Variants in ADAM11 observed in about 807,000 individuals in gnomAD.
ADAM11 encodes the protein ADAM metallopeptidase domain 11.
In ADAM11, 49 loss-of-function variants were observed where a neutral mutation model predicts 119.1. The observed-to-expected ratio is 0.41, with a 90% CI of 0.33 to 0.52. ADAM11 has a LOEUF of 0.52. ADAM11 is among the 20% of genes least tolerant of loss of function. The pLI, the probability that ADAM11 is intolerant of heterozygous loss-of-function variation, is 0.20. For synonymous variants in ADAM11, 364 were observed against 408.0 expected (o/e 0.89, Z 1.30); for missense variants, 777 against 1,047.5 (o/e 0.74, Z 3.56).
chr17:44,774,970 G>C lies in ADAM11; in HGVS notation c.1220+221G>C, dbSNP rs368588113. Among the ~76,000 whole-genome samples, 23 of 152,364 alleles carry C rather than the reference G, an allele frequency of 1.5e-4. No homozygotes were observed. In the South Asian group the frequency reaches 4.6e-3, roughly 30 times the overall value. On this transcript the variant is annotated intron_variant, in intron 14 of 26. Transcript: ENST00000200557. ...GCTGCAGTGCGCATCGTGGCCACTGGGCGCCGCCCAAGCCTCGCATGGAGA... is the reference window on the plus strand; with the variant it reads ...GCTGCAGTGCGCATCGTGGCCACTGCGCGCCGCCCAAGCCTCGCATGGAGA...
intron 2 of ADAM11, among the ~76,000 whole-genome samples, chr17:44,764,054 A>G (rs1450883950): frequency 6.6e-6 from 1 of 152,020 alleles, no homozygotes; most frequent in Non-Finnish European, 1.5e-5. Context: ...AAGCTGCTGT[A>G]TGGGTTATGC....
chr17:44,779,538 C>T (rs1356313483), intron 26 of ADAM11: 2 of 985,228 alleles, frequency 2.0e-6, no homozygotes, highest in Non-Finnish European at 2.4e-6. Flanking sequence ...AGTCCCCATC[C>T]CCGGGAGGGC....
chr17:44,774,779 G>C (rs2049576198), intron 14 of ADAM11, 30 bp downstream of exon 14: 1 of 1,587,750 alleles, frequency 6.3e-7, no homozygotes, highest in African/African-American at 1.4e-5. Context: ...CCGGGGGAAG[G>C]TCTTGGGCGA....
Position 44,777,672 on chromosome 17 carries a change from GGC to G in ADAM11, c.1902-22_1902-21del, listed in dbSNP as rs776845565. 2.4e-5 allele frequency: 38 copies of G among 1,613,260 alleles called. No individual in the cohort carries two copies. The highest frequency in any genetic ancestry group is 3.2e-5 in the Non-Finnish European group (38 of 1,179,518). On this transcript the variant is annotated intron_variant, in intron 22 of 26. Transcript: ENST00000200557. This position sits in a 1 kb window ranked among gnomAD's most constrained non-coding sequence, Gnocchi z 5.1. ...TGGGGGTTAGGAGACAGGGGGCTGA[GGC>G]TGGCTGTGTCACTTCCCCAGGGGAG...
At position 44,771,762 on chromosome 17, in the gene ADAM11, C is replaced by G. The variant is rs1384700503; in HGVS notation, c.474C>G (p.Val158=). The change falls in exon 6 of 27, where the codon GTC becomes GTG. Residue 158 remains valine (V), a synonymous_variant. Coordinates refer to ENST00000200557, the MANE Select transcript of ADAM11 (RefSeq NM_002390.6). ...ALSTCQGLHG[V]FSDGNLTYIV... is the part of the protein sequence containing the mutation. The stretch of plus-strand genomic sequence containing the variant: ...TGCGCCTCTCTCTCCACAGTGGGGT[C>G]TTCTCTGATGGGAACTTGACTTACA... The G allele has an allele frequency of 6.2e-7, 1 of 1,613,798 alleles. No individual in the cohort carries two copies. The highest frequency in any genetic ancestry group is 1.3e-5 in the African/African-American group (1 of 74,918).
chr17:44,769,720 T>C lies in ADAM11; in HGVS notation c.240T>C (p.Pro80=), dbSNP rs1419569158. Residue 80 remains proline (P), a splice_region_variant and synonymous_variant, in exon 3 of 27, where the codon CCT becomes CCC. Transcript: ENST00000200557. The part of the protein sequence containing the change: ...RVRQEPPGGP[P]VHLAQVSFVI... ...CCCTCTGCCCTCCCCCCACCCAGCCTGTCCATCTGGCCCAGGTGAGTTTCG... is the reference window on the plus strand; with the variant it reads ...CCCTCTGCCCTCCCCCCACCCAGCCCGTCCATCTGGCCCAGGTGAGTTTCG... 1.3e-6 allele frequency: 2 copies of C among 1,544,302 alleles called. No homozygotes were observed. Among genetic ancestry groups the C allele is most frequent in the Non-Finnish European group, 1.8e-6 (2 of 1,116,462 alleles).
chr17:44,775,242 T>C lies in ADAM11; in HGVS notation c.1251T>C (p.Cys417=), dbSNP rs1558084. The change falls in exon 15 of 27, where the codon TGT becomes TGC. Residue 417 remains cysteine, a synonymous_variant. Coordinates refer to ENST00000200557, the MANE Select transcript of ADAM11 (RefSeq NM_002390.6). This position sits in a 1 kb window ranked among gnomAD's most constrained non-coding sequence, Gnocchi z 7.5. The part of the protein sequence containing the change: ...GFYLPRKFSR[C]SIDEYNQFLQ... The stretch of plus-strand genomic sequence containing the variant: ...ACCTGCCCCGCAAGTTCTCGCGCTG[T>C]AGCATCGACGAGTACAACCAGTTTC... 1,437,080 of 1,613,446 alleles carry C rather than the reference T, an allele frequency of 0.89. 640,349 individuals carry two copies. The highest frequency in any genetic ancestry group is 0.93 in the Middle Eastern group (5,617 of 6,062).
intron 4 of ADAM11, among the ~76,000 whole-genome samples, chr17:44,770,633 C>T (rs2049512249): frequency 6.6e-6 from 1 of 152,152 alleles, no homozygotes; most frequent in Non-Finnish European, 1.5e-5. Flanking sequence ...CCCATCACTC[C>T]TCAGCCAACC....
intron 2 of ADAM11, among the ~76,000 whole-genome samples, chr17:44,761,503 G>A (rs2049389056): frequency 1.3e-5 from 2 of 152,106 alleles, no homozygotes; most frequent in African/African-American, 4.8e-5. Context: ...CTGCAGGTGA[G>A]TGAGTGCATG....
intron 4 of ADAM11, 130 bp from the exon 5 acceptor site, chr17:44,771,454 G>A (rs1051583542): frequency 2.1e-6 from 2 of 931,630 alleles, no homozygotes; most frequent in Non-Finnish European, 3.3e-6. Flanking sequence ...AGGCTCCAGA[G>A]CCCCAGGCAT....
chr17:44,777,797 AGCTT>A lies in ADAM11; in HGVS notation c.2005_2008del (p.Ala669LeufsTer242). 6.2e-7 allele frequency: 1 copy of A among 1,613,960 alleles called. No individual in the cohort carries two copies. The highest frequency in any genetic ancestry group is 1.1e-5 in the South Asian group (1 of 91,082). ...TGTGCCTGGACCATCGCTGCCTGCC[AGCTT>A]CTGCCTTCAACTTCAGCACCTGCCC... is the stretch of plus-strand genomic sequence containing the variant. On this transcript the variant is annotated frameshift_variant, in exon 23 of 27. Transcript: ENST00000200557. LOFTEE classifies it high-confidence loss of function. The surrounding 1 kb of genome is among the most constrained non-coding windows in gnomAD (Gnocchi z 5.1).
intron 25 of ADAM11, 119 bp from the exon 26 acceptor site, chr17:44,779,103 G>T: frequency 7.4e-7 from 1 of 1,357,400 alleles, no homozygotes; most frequent in East Asian, 2.7e-5. Flanking sequence ...CCAGGCCCCG[G>T]GGACCCCGGC....
intron 2 of ADAM11, among the ~76,000 whole-genome samples, chr17:44,766,605 C>T (rs997353853): frequency 6.6e-6 from 1 of 152,182 alleles, no homozygotes; most frequent in African/African-American, 2.4e-5. Context: ...CCCACACCTC[C>T]CCAGCCACCC....
intron 4 of ADAM11, among the ~76,000 whole-genome samples, chr17:44,770,896 C>T (rs1157337196): frequency 4.6e-5 from 7 of 152,216 alleles, no homozygotes; most frequent in Non-Finnish European, 7.4e-5. Flanking sequence ...GGGCGGATCA[C>T]GTGAGGTCAG....
intron 25 of ADAM11, 82 bp downstream of exon 25, chr17:44,778,324 C>T: frequency 1.4e-6 from 2 of 1,380,186 alleles, no homozygotes; most frequent in Non-Finnish European, 9.8e-7. Context: ...AGGGGGCCCT[C>T]CCTGAAAGCC....
rs1403258367 is a variant in ADAM11, at chr17:44,773,231, C to T, written c.826-30C>T. ...CAGCCCTGGCCCCAACACCCACTCC[C>T]ACCCTCCAGCCCCCTCATCTTCTCC... On this transcript the variant is annotated intron_variant, in intron 10 of 26. Transcript: ENST00000200557. This position sits in a 1 kb window ranked among gnomAD's most constrained non-coding sequence, Gnocchi z 4.6. The T allele has an allele frequency of 3.7e-6, 6 of 1,610,736 alleles. No individual in the cohort carries two copies. Among genetic ancestry groups the T allele is most frequent in the Admixed American group, 1.7e-5 (1 of 59,952 alleles).
intron 2 of ADAM11, among the ~76,000 whole-genome samples, chr17:44,763,491 G>C (rs1187020632): frequency 6.6e-6 from 1 of 152,208 alleles, no homozygotes; most frequent in Non-Finnish European, 1.5e-5. Flanking sequence ...CTGGAAGCAG[G>C]CTAGGCCTGA....
Position 44,775,513 on chromosome 17 carries a change from G to T in ADAM11, c.1392+48G>T. On this transcript the variant is annotated intron_variant, in intron 16 of 26. Coordinates refer to ENST00000200557, the MANE Select transcript of ADAM11 (RefSeq NM_002390.6). The surrounding 1 kb of genome is among the most constrained non-coding windows in gnomAD (Gnocchi z 7.5). ...GGTGGGGAACCGGGATGCGGGGGTG[G>T]GCACGAGGGAGCGTCTGAGTGGGAG... The T allele has an allele frequency of 6.3e-7, 1 of 1,581,584 alleles. No homozygotes were observed. Among genetic ancestry groups the T allele is most frequent in the African/African-American group, 1.3e-5 (1 of 74,556 alleles).
chr17:44,775,008 A>G lies in ADAM11; in HGVS notation c.1221-204A>G, dbSNP rs965771530. Among the ~76,000 whole-genome samples the G allele has an allele frequency of 6.6e-6, 1 of 152,214 alleles. No homozygotes were observed. Among genetic ancestry groups the G allele is most frequent in the South Asian group, 2.1e-4 (1 of 4,834 alleles). ...CCTCGCATGGAGACACCTTCCCTCC[A>G]GCGCGGCTGCGAGTCCCCAGGTTCA... On this transcript the variant is annotated intron_variant, in intron 14 of 26. Transcript: ENST00000200557. The surrounding 1 kb of genome is among the most constrained non-coding windows in gnomAD (Gnocchi z 7.5).
Sources: gnomAD v4.1 joint callset for allele counts (sites outside exome capture counted in the v4.1 genomes callset) on GRCh38, gnomAD v4.1.1 for gene constraint, Gnocchi (gnomAD v3.1) non-coding constraint, MANE v1.5 for transcripts, NCBI Gene and HGNC (gene_info 2026-07-23, HGNC 2026-07-21) for gene names.